The following PLSCR4 variants were observed in gnomAD, a reference collection of about 807,000 sequenced individuals.
PLSCR4 encodes the protein phospholipid scramblase 4.
A neutral mutation model predicts 36.3 loss-of-function variants in PLSCR4; 25 were observed. The ratio of observed to expected loss-of-function variants is 0.69; its 90% confidence interval spans 0.50 to 0.96. The LOEUF (loss-of-function observed/expected upper bound fraction) is 0.96. Among genes scored for constraint, PLSCR4 ranks in the 40% least tolerant of loss-of-function variants. PLSCR4 has a pLI of 0.00. For missense variants in PLSCR4, 408 were observed against 414.7 expected, an observed-to-expected ratio of 0.98 and a Z score of 0.14; for synonymous variants, 122 against 132.9, an observed-to-expected ratio of 0.92 and a Z score of 0.56.
In PLSCR4 at chr3:146,193,181, T is replaced by C. The variant is rs2033496536; in HGVS notation, c.*1230A>G. ...ACAAAAATGTGTAATTGATAATTTA[T>C]TATTGGTCCTACATATTATTTACTG... On this transcript the variant is annotated 3_prime_UTR_variant, in exon 9 of 9. Transcript: ENST00000354952. 6.6e-6 allele frequency: 1 copy of C among 152,218 alleles called. No homozygotes were observed. Among genetic ancestry groups the C allele is most frequent in the African/African-American group, 2.4e-5 (1 of 41,466 alleles). The allele number at this position is 152,218 out of a possible 1,614,324, so 9.4% of individuals were successfully genotyped here.
chr3:146,218,272 CT>C (rs1013910382), intron 3 of PLSCR4, among the ~76,000 whole-genome samples: 1 of 151,932 alleles, frequency 6.6e-6, no homozygotes, highest in African/African-American at 2.4e-5. Context: ...TCCATACCTT[CT>C]TTTTTTAACT....
rs577064746 is a variant in PLSCR4, at chr3:146,241,098, T to A, written c.-22+9862A>T. Among the ~76,000 whole-genome samples, 14 of 152,258 alleles carry A rather than the reference T, an allele frequency of 9.2e-5. 5 individuals are homozygous for A. Reference sequence around the variant, plus strand: ...GAAGTCAGTCACCAAAAAAACCATATAGTACATGATTCTACTGATGTGAAC... The same window carrying A: ...GAAGTCAGTCACCAAAAAAACCATAAAGTACATGATTCTACTGATGTGAAC... On this transcript the variant is annotated intron_variant, in intron 1 of 8. Transcript: ENST00000354952.
At chr3:146,196,462 A>G (rs555229836) in intron 7 of PLSCR4, 170 bp downstream of exon 7, 1 of 623,492 alleles carries the variant, frequency 1.6e-6, no homozygotes, top group African/African-American at 1.8e-5. Context: ...GAAAACCTCA[A>G]TCTACTCACA....
chr3:146,212,522 T>C (rs1279238535), intron 3 of PLSCR4, among the ~76,000 whole-genome samples: 3 of 150,538 alleles, frequency 2.0e-5, no homozygotes, highest in Non-Finnish European at 4.4e-5. Context: ...ATGATCATAG[T>C]TCACTGCAGT....
In PLSCR4 at chr3:146,225,126, G is replaced by A. The variant is rs1034786018; in HGVS notation, c.-21-3034C>T. 2.6e-5 allele frequency among the ~76,000 whole-genome samples: 4 copies of A among 152,116 alleles called. No individual in the cohort carries two copies. The South Asian group carries it at 8.3e-4, about 32-fold the overall frequency. On this transcript the variant is annotated intron_variant, in intron 1 of 8. Transcript: ENST00000354952. ...CCACCAAAGCAGCTAGATACAGAGTGTCCATTGGTGCACTCACAAACCTTG... is the reference window on the plus strand; with the variant it reads ...CCACCAAAGCAGCTAGATACAGAGTATCCATTGGTGCACTCACAAACCTTG...
At chr3:146,249,149 C>A (rs1291682922) in intron 1 of PLSCR4, among the ~76,000 whole-genome samples, 1 of 151,822 alleles carries the variant, frequency 6.6e-6, no homozygotes, top group Non-Finnish European at 1.5e-5. Flanking sequence ...TTGGGGGATG[C>A]AAATGTTAAT....
intron 3 of PLSCR4, among the ~76,000 whole-genome samples, chr3:146,216,059 C>G (rs180817434): frequency 6.6e-6 from 1 of 152,098 alleles, no homozygotes; most frequent in South Asian, 2.1e-4. Flanking sequence ...GGTGAAACCC[C>G]GTCTCTACCG....
intron 6 of PLSCR4, among the ~76,000 whole-genome samples, chr3:146,199,501 G>A (rs555349423): frequency 2.0e-4 from 30 of 152,130 alleles, no homozygotes; most frequent in South Asian, 1.7e-3. Flanking sequence ...TGATAGGTAC[G>A]TACATTTAGA....
intron 1 of PLSCR4, among the ~76,000 whole-genome samples, chr3:146,242,207 A>G (rs770746079): frequency 6.6e-6 from 1 of 152,124 alleles, no homozygotes; most frequent in Non-Finnish European, 1.5e-5. Flanking sequence ...TGCTCGGTGG[A>G]GCTCTCTGAA....
intron 4 of PLSCR4, among the ~76,000 whole-genome samples, chr3:146,205,364 C>A (rs545753643): frequency 6.6e-6 from 1 of 152,022 alleles, no homozygotes; most frequent in Admixed American, 6.6e-5. Flanking sequence ...ATTAATTTTA[C>A]TATAGATCTT....
Position 146,223,151 on chromosome 3 carries a change from T to C in PLSCR4, c.-21-1059A>G, listed in dbSNP as rs1406471003. ...TAAACATTTAAATTAAAAATATGTATGGGAACATTATGAGAATAACTCAAA... is the reference window on the plus strand; with the variant it reads ...TAAACATTTAAATTAAAAATATGTACGGGAACATTATGAGAATAACTCAAA... On this transcript the variant is annotated intron_variant, in intron 1 of 8. Coordinates refer to ENST00000354952, the MANE Select transcript of PLSCR4 (RefSeq NM_020353.3). 5.3e-5 allele frequency among the ~76,000 whole-genome samples: 8 copies of C among 152,008 alleles called. No individual in the cohort carries two copies. In the East Asian group the frequency reaches 1.3e-3, roughly 26 times the overall value.
At chr3:146,236,715 C>G (rs578138282) in intron 1 of PLSCR4, among the ~76,000 whole-genome samples, 1 of 151,856 alleles carries the variant, frequency 6.6e-6, no homozygotes, top group Non-Finnish European at 1.5e-5. Context: ...ACCGTTAAAC[C>G]GCTTTCTTTT....
At chr3:146,211,774 A>G (rs2034634110) in intron 3 of PLSCR4, among the ~76,000 whole-genome samples, 1 of 152,076 alleles carries the variant, frequency 6.6e-6, no homozygotes, top group East Asian at 1.9e-4. Context: ...TTGTATGTTG[A>G]TATTCATTTG....
chr3:146,237,453 T>C (rs1341488104), intron 1 of PLSCR4, among the ~76,000 whole-genome samples: 1 of 152,078 alleles, frequency 6.6e-6, no homozygotes, highest in Non-Finnish European at 1.5e-5. Flanking sequence ...TATGAAACAT[T>C]CTCCAAGATA....
At chr3:146,232,798 T>C (rs925588508) in intron 1 of PLSCR4, among the ~76,000 whole-genome samples, 2 of 152,172 alleles carry the variant, frequency 1.3e-5, no homozygotes, top group Non-Finnish European at 2.9e-5. Flanking sequence ...ATAGTTTGAC[T>C]TCCTCTCTTC....
intron 1 of PLSCR4, among the ~76,000 whole-genome samples, chr3:146,227,709 C>A (rs2035534614): frequency 6.6e-6 from 1 of 152,160 alleles, no homozygotes; most frequent in Non-Finnish European, 1.5e-5. Flanking sequence ...GGCTTGGAAG[C>A]AGCATATGCA....
intron 3 of PLSCR4, among the ~76,000 whole-genome samples, chr3:146,212,297 T>A (rs1260115938): frequency 6.6e-6 from 1 of 152,064 alleles, no homozygotes; most frequent in East Asian, 1.9e-4. Context: ...TGTGGAATTA[T>A]AATTTTAATT....
intron 1 of PLSCR4, among the ~76,000 whole-genome samples, chr3:146,241,611 G>A (rs565577119): frequency 2.0e-5 from 3 of 152,036 alleles, no homozygotes; most frequent in African/African-American, 7.2e-5. Context: ...TAATCTACAA[G>A]AACAAGCAGA....
chr3:146,231,387 C>T (rs1419885348), intron 1 of PLSCR4, among the ~76,000 whole-genome samples: 2 of 152,118 alleles, frequency 1.3e-5, no homozygotes, highest in African/African-American at 2.4e-5. Flanking sequence ...AGTGATGGGA[C>T]TTCTGGGTCA....
Sources: gnomAD v4.1 joint callset for allele counts (sites outside exome capture counted in the v4.1 genomes callset) on GRCh38, gnomAD v4.1.1 for gene constraint, MANE v1.5 for transcripts, NCBI Gene and HGNC (gene_info 2026-07-23, HGNC 2026-07-21) for gene names.